ADK: variants seen among roughly 807,000 people sequenced by gnomAD.
ADK encodes the protein adenosine kinase.
ADK carries 24 observed loss-of-function variants against 44.7 expected under a neutral mutation model. The observed-to-expected ratio is 0.54, with a 90% confidence interval of 0.39 to 0.76. The LOEUF (loss-of-function observed/expected upper bound fraction) is 0.76, where lower values mean the gene tolerates loss of function less well. Among genes scored for constraint, ADK ranks in the 30% least tolerant of loss-of-function variants. The pLI is 0.00. For synonymous variants in ADK, 128 were observed against 142.6 expected (o/e 0.90, Z 0.73); for missense variants, 321 against 425.1 (o/e 0.76, Z 2.15).
At chr10:74,696,668 C>T (rs143751530) in intron 10 of ADK, among the ~76,000 whole-genome samples, 4 of 152,242 alleles carry the variant, frequency 2.6e-5, no homozygotes, top group African/African-American at 9.6e-5. Context: ...CCATGCCCAG[C>T]CCTCATTATT....
intron 9 of ADK, among the ~76,000 whole-genome samples, chr10:74,645,956 A>G (rs1008537383): frequency 6.6e-6 from 1 of 152,222 alleles, no homozygotes; most frequent in Admixed American, 6.5e-5. Context: ...TTTAACATCA[A>G]TGCAGCATAC....
chr10:74,667,963 A>G (rs560881841), intron 9 of ADK, among the ~76,000 whole-genome samples: 2 of 152,306 alleles, frequency 1.3e-5, no homozygotes, highest in African/African-American at 2.4e-5. Context: ...AAGGAATTCT[A>G]TGTAATTTTG....
intron 7 of ADK, among the ~76,000 whole-genome samples, chr10:74,582,310 CA>C (rs199784643): frequency 1.5e-4 from 22 of 145,286 alleles, no homozygotes; most frequent in African/African-American, 4.3e-4. Context: ...GACCCAATCT[CA>C]AAAAAAAAAT....
chr10:74,214,927 G>A (rs1355922136), intron 2 of ADK, among the ~76,000 whole-genome samples: 1 of 152,170 alleles, frequency 6.6e-6, no homozygotes, highest in Non-Finnish European at 1.5e-5. Flanking sequence ...GAGAAATTAA[G>A]TGGCTTGCCC....
chr10:74,677,713 A>C (rs1194578261), intron 10 of ADK, among the ~76,000 whole-genome samples: 1 of 152,054 alleles, frequency 6.6e-6, no homozygotes, highest in Admixed American at 6.6e-5. Context: ...TAAACAACCC[A>C]ATGTCAACAA....
chr10:74,165,592 A>G (rs988507249), intron 1 of ADK, among the ~76,000 whole-genome samples: 19 of 151,536 alleles, frequency 1.3e-4, no homozygotes, highest in Non-Finnish European at 2.7e-4. Context: ...ATCTGTCTTT[A>G]GCTGAGGAAA....
At chr10:74,593,968 TG>T (rs1432898943) in intron 8 of ADK, among the ~76,000 whole-genome samples, 1 of 152,176 alleles carries the variant, frequency 6.6e-6, no homozygotes, top group African/African-American at 2.4e-5. Flanking sequence ...TATCCAGTAA[TG>T]GTATTGCTGG....
At chr10:74,552,132 G>T (rs1457697691) in intron 7 of ADK, among the ~76,000 whole-genome samples, 2 of 151,846 alleles carry the variant, frequency 1.3e-5, no homozygotes, top group Non-Finnish European at 2.9e-5. Context: ...CATTTTAGTG[G>T]GTAGTAAAAC....
intron 6 of ADK, among the ~76,000 whole-genome samples, chr10:74,448,787 A>T (rs1845673031): frequency 6.6e-6 from 1 of 152,136 alleles, no homozygotes; most frequent in Admixed American, 6.5e-5. Flanking sequence ...CAAGATGTAT[A>T]CTTGTGTATA....
chr10:74,218,232 C>T (rs1844141962), intron 2 of ADK, among the ~76,000 whole-genome samples: 1 of 152,060 alleles, frequency 6.6e-6, no homozygotes, highest in Non-Finnish European at 1.5e-5. Context: ...GCAGAAGCCT[C>T]AGGAGCCGAT....
At chr10:74,195,913 G>A (rs1381817912) in intron 1 of ADK, among the ~76,000 whole-genome samples, 1 of 151,542 alleles carries the variant, frequency 6.6e-6, no homozygotes, top group Non-Finnish European at 1.5e-5. Flanking sequence ...CTGTGCAGAG[G>A]CAATGCGCCC....
chr10:74,635,189 T>C (rs1424569921), intron 9 of ADK, among the ~76,000 whole-genome samples: 1 of 152,128 alleles, frequency 6.6e-6, no homozygotes, highest in African/African-American at 2.4e-5. Flanking sequence ...ACCTAAACAT[T>C]TAATTAGACT....
At chr10:74,415,989 AAT>A (rs199804576) in intron 6 of ADK, among the ~76,000 whole-genome samples, 9 of 149,842 alleles carry the variant, frequency 6.0e-5, no homozygotes, top group Non-Finnish European at 7.4e-5. Context: ...CATATATATA[AAT>A]ATATATATAC....
chr10:74,402,413 A>G lies in ADK; in HGVS notation c.555+3834A>G, dbSNP rs148063390. Among the ~76,000 whole-genome samples, 367 of 151,878 alleles carry G rather than the reference A, an allele frequency of 2.4e-3. 2 individuals carry two copies. The highest frequency in any genetic ancestry group is 8.4e-3 in the African/African-American group (349 of 41,422). ...AGATTTGGTCTTTTCACATAGTCCC[A>G]TATTTCTTGGAGGCTTTGTGCGTTT... On this transcript the variant is annotated intron_variant, in intron 6 of 10. Transcript: ENST00000539909.
chr10:74,231,240 C>T (rs1424488546), intron 3 of ADK, among the ~76,000 whole-genome samples: 3 of 152,286 alleles, frequency 2.0e-5, no homozygotes, highest in South Asian at 4.1e-4. Context: ...TAGGTGTGCT[C>T]ATGAAGTAAG....
chr10:74,251,967 G>A (rs186379060), intron 3 of ADK, among the ~76,000 whole-genome samples: 77 of 144,456 alleles, frequency 5.3e-4, no homozygotes, highest in African/African-American at 2.0e-3. Flanking sequence ...TATAGTCTAG[G>A]CCACTCATGA....
At chr10:74,165,468 TTTTTTTTTAATTAAATTTAA>T (rs1240732028) in intron 1 of ADK, among the ~76,000 whole-genome samples, 1 of 149,792 alleles carries the variant, frequency 6.7e-6, no homozygotes, top group Non-Finnish European at 1.5e-5. Flanking sequence ...CTGGGGAGCT[TTTTTTTTTAATTAAATTTAA>T]TTTTTTTTAA....
chr10:74,359,656 G>A lies in ADK; in HGVS notation c.274-34485G>A, dbSNP rs549687383. On this transcript the variant is annotated intron_variant, in intron 4 of 10. Transcript: ENST00000539909. ...GCCCAGGTGGTCAAGGCTGCAGTGA[G>A]CTATAATCATGCCACTGCACTCTAG... Among the ~76,000 whole-genome samples, 3 of 152,266 alleles carry A rather than the reference G, an allele frequency of 2.0e-5. No individual in the cohort carries two copies. In the East Asian group the frequency reaches 5.8e-4, roughly 29 times the overall value.
At chr10:74,343,375 A>G (rs1841651401) in intron 4 of ADK, among the ~76,000 whole-genome samples, 2 of 152,210 alleles carry the variant, frequency 1.3e-5, no homozygotes, top group African/African-American at 4.8e-5. Context: ...TATAAAGAAT[A>G]TATTATTAAG....
Sources: allele counts gnomAD v4.1 joint callset (sites outside exome capture counted in the v4.1 genomes callset), GRCh38; gene constraint gnomAD v4.1.1; transcripts MANE v1.5; gene names NCBI Gene and HGNC (gene_info 2026-07-23, HGNC 2026-07-21).